The following FAM47E variants were observed in gnomAD, a reference collection of about 807,000 sequenced individuals.
The protein encoded by FAM47E is protein FAM47E.
A neutral mutation model predicts 41.6 loss-of-function variants in FAM47E; 32 were observed. The observed-to-expected ratio is 0.77, with a 90% CI of 0.58 to 1.03. FAM47E has a LOEUF of 1.03. FAM47E is among the 50% of genes least tolerant of loss of function. FAM47E has a pLI of 0.00. For synonymous variants in FAM47E, 184 were observed against 188.7 expected, an observed-to-expected ratio of 0.98 and a Z score of 0.20; for missense variants, 424 against 485.4, an observed-to-expected ratio of 0.87 and a Z score of 1.19.
intron 2 of FAM47E, among the ~76,000 whole-genome samples, chr4:76,227,733 T>C (rs887319709): frequency 1.3e-5 from 2 of 152,160 alleles, no homozygotes; most frequent in African/African-American, 2.4e-5. Context: ...ATACTTAGGA[T>C]TGTGATATTT....
At chr4:76,269,166 T>G (rs1299491091) in intron 4 of FAM47E, 1 of 178,158 alleles carries the variant, frequency 5.6e-6, no homozygotes, top group Non-Finnish European at 1.2e-5. Context: ...GATTATAATC[T>G]TCACACAAAA....
intron 2 of FAM47E, among the ~76,000 whole-genome samples, chr4:76,235,030 T>A (rs1172220708): frequency 6.6e-6 from 1 of 151,870 alleles, no homozygotes; most frequent in Non-Finnish European, 1.5e-5. Context: ...AACATAAAAA[T>A]AAATTGGCCG....
At chr4:76,240,816 A>G (rs1199883042) in intron 2 of FAM47E, among the ~76,000 whole-genome samples, 1 of 151,680 alleles carries the variant, frequency 6.6e-6, no homozygotes, top group Non-Finnish European at 1.5e-5. Context: ...TTTTCTTGAC[A>G]TTTTCCACAT....
intron 1 of FAM47E, among the ~76,000 whole-genome samples, chr4:76,252,196 C>T (rs1008965244): frequency 1.1e-4 from 17 of 152,082 alleles, no homozygotes; most frequent in African/African-American, 4.1e-4. Flanking sequence ...GCGCCTGGAG[C>T]CCTGTATCCG....
chr4:76,270,440 T>C (rs1051087603), intron 4 of FAM47E, among the ~76,000 whole-genome samples: 4 of 152,252 alleles, frequency 2.6e-5, no homozygotes, highest in African/African-American at 7.2e-5. Flanking sequence ...AGTGGGGGTG[T>C]CCAGCCCAGC....
At chr4:76,239,875 G>T (rs951569842) in intron 2 of FAM47E, among the ~76,000 whole-genome samples, 1 of 152,060 alleles carries the variant, frequency 6.6e-6, no homozygotes, top group East Asian at 1.9e-4. Flanking sequence ...CTTACATTAG[G>T]TTATGGATCT....
chr4:76,263,559 A>T (rs1734506402), intron 2 of FAM47E, 145 bp from the exon 3 acceptor site: 1 of 924,558 alleles, frequency 1.1e-6, no homozygotes, highest in African/African-American at 1.7e-5. Context: ...AGCACCCAGC[A>T]TAATACTTGG....
chr4:76,252,482 C>G (rs1187484299), intron 1 of FAM47E, among the ~76,000 whole-genome samples: 1 of 152,148 alleles, frequency 6.6e-6, no homozygotes, highest in Non-Finnish European at 1.5e-5. Context: ...AAGGCTAGTT[C>G]TCCTCTTGTT....
At position 76,256,234 on chromosome 4, in the gene FAM47E, A is replaced by C. The variant is rs1275878527; in HGVS notation, c.131A>C (p.Gln44Pro). The change falls in exon 2 of 8, where the codon CAG becomes CCG. Residue 44 changes from glutamine to proline, a missense_variant. Coordinates refer to ENST00000424749, the MANE Select transcript of FAM47E (RefSeq NM_001136570.3). The part of the protein sequence containing the change: ...LKFPTSLHSR[Q>P]LVFPRKGLDD... ...TTCCCCACCTCTCTGCACAGCCGGC[A>C]GTTGGTATTTCCAAGAAAGGGGCTG... The C allele has an allele frequency of 6.4e-7, 1 of 1,551,704 alleles. No individual in the cohort carries two copies. The highest frequency in any genetic ancestry group is 1.2e-5 in the South Asian group (1 of 84,062).
At chr4:76,253,253 T>C (rs950462669) in intron 1 of FAM47E, among the ~76,000 whole-genome samples, 1 of 152,244 alleles carries the variant, frequency 6.6e-6, no homozygotes, top group African/African-American at 2.4e-5. Context: ...TACCACAGTT[T>C]GTTTATCCAT....
chr4:76,251,555 C>G, upstream of FAM47E: 1 of 1,172,010 alleles, frequency 8.5e-7, no homozygotes, highest in South Asian at 2.4e-5. Context: ...CCGGTACCCT[C>G]TCCCTTCCCT....
intron 2 of FAM47E, 131 bp downstream of exon 2, chr4:76,256,654 G>A (rs1578778021): frequency 2.5e-6 from 3 of 1,181,154 alleles, no homozygotes; most frequent in Non-Finnish European, 3.5e-6. Context: ...CCCCCAGGAT[G>A]CGAGTTCTTA....
intron 3 of FAM47E, 41 bp downstream of exon 3, chr4:76,263,884 G>T (rs1444342774): frequency 1.3e-6 from 2 of 1,538,956 alleles, no homozygotes; most frequent in African/African-American, 1.4e-5. Context: ...GCTGTCACCT[G>T]ATGAAACATT....
At chr4:76,272,103 AT>A (rs1298029146) in intron 5 of FAM47E, among the ~76,000 whole-genome samples, 4 of 152,232 alleles carry the variant, frequency 2.6e-5, no homozygotes, top group African/African-American at 9.6e-5. Flanking sequence ...GCAATTAATT[AT>A]TATGAATGCT....
At position 76,216,595 on chromosome 4, in the gene FAM47E, A is replaced by C. The variant is rs575520144; in HGVS notation, c.-29-984A>C. 3.0e-4 allele frequency among the ~76,000 whole-genome samples: 46 copies of C among 152,330 alleles called. No homozygotes were observed. The South Asian group carries it at 9.3e-3, about 31-fold the overall frequency. On this transcript the variant is annotated intron_variant, in intron 1 of 7. Coordinates refer to the FAM47E transcript ENST00000510197. ...TGTGGGGATGGAGAGATGGAGACAA[A>C]TTTGATAAATGTATCTTAGTGTGGG...
chr4:76,229,506 G>A (rs1174288218), intron 2 of FAM47E, among the ~76,000 whole-genome samples: 20 of 152,200 alleles, frequency 1.3e-4, no homozygotes, highest in Admixed American at 1.3e-3. Flanking sequence ...CAAGGCCGCT[G>A]TTCAGATTCT....
intron 5 of FAM47E, among the ~76,000 whole-genome samples, chr4:76,273,638 C>G (rs534905965): frequency 1.3e-5 from 2 of 151,950 alleles, no homozygotes; most frequent in Admixed American, 6.5e-5. Flanking sequence ...GCTTGTTGAG[C>G]CTTTTGGATT....
upstream of FAM47E, among the ~76,000 whole-genome samples, chr4:76,250,855 A>G (rs757013604): frequency 2.0e-5 from 3 of 152,192 alleles, no homozygotes; most frequent in Non-Finnish European, 4.4e-5. Flanking sequence ...TAGTACTTGC[A>G]TAATAATAAT....
intron 2 of FAM47E, among the ~76,000 whole-genome samples, chr4:76,237,714 C>G (rs1159827951): frequency 6.6e-6 from 1 of 152,134 alleles, no homozygotes; most frequent in Non-Finnish European, 1.5e-5. Flanking sequence ...TCAGGAAACT[C>G]ACAGTCATGA....
Sources: gnomAD v4.1 joint callset for allele counts (sites outside exome capture counted in the v4.1 genomes callset) on GRCh38, gnomAD v4.1.1 for gene constraint, MANE v1.5 for transcripts, NCBI Gene and HGNC (gene_info 2026-07-23, HGNC 2026-07-21) for gene names.